SHROOM3: variants seen among roughly 807,000 people sequenced by gnomAD.
SHROOM3 encodes the protein protein Shroom3.
A neutral mutation model predicts 138.6 loss-of-function variants in SHROOM3; 47 were observed. The ratio of observed to expected loss-of-function variants is 0.34; its 90% CI spans 0.27 to 0.43. SHROOM3 has a LOEUF of 0.43. SHROOM3 is among the 20% of genes least tolerant of loss of function. The pLI, the probability that SHROOM3 is intolerant of heterozygous loss-of-function variation, is 1.00. For missense variants in SHROOM3, 2,491 were observed against 2,596.5 expected, an observed-to-expected ratio of 0.96 and a Z score of 0.88; for synonymous variants, 1,062 against 1,063.3, an observed-to-expected ratio of 1.00 and a Z score of 0.02.
rs531013327 is a variant in SHROOM3, at chr4:76,506,197, G to C, written c.169-49412G>C. On this transcript the variant is annotated intron_variant, in intron 1 of 10. Coordinates refer to ENST00000296043, the MANE Select transcript of SHROOM3 (RefSeq NM_020859.4). Reference sequence around the variant, plus strand: ...AACGAGAACACATGGACACGGGTTGGGGGGAGGGCATCACACACCAGGGCC... The same window carrying C: ...AACGAGAACACATGGACACGGGTTGCGGGGAGGGCATCACACACCAGGGCC... Among the ~76,000 whole-genome samples the C allele has an allele frequency of 3.4e-4, 52 of 151,996 alleles. No homozygotes were observed. The South Asian group carries it at 9.4e-3, about 27-fold the overall frequency.
intron 1 of SHROOM3, among the ~76,000 whole-genome samples, chr4:76,487,078 T>A (rs1731747525): frequency 6.6e-6 from 1 of 152,168 alleles, no homozygotes; most frequent in South Asian, 2.1e-4. Flanking sequence ...TCATGCCCAT[T>A]AACAGTCATT....
rs372739178 is a variant in SHROOM3, at chr4:76,511,580, G to T, written c.169-44029G>T. Reference sequence around the variant, plus strand: ...AAGTTTTCACCTGTGATGAGCAGGGGTCTTGCTGGCAGAATGGCAGCTATG... The same window carrying T: ...AAGTTTTCACCTGTGATGAGCAGGGTTCTTGCTGGCAGAATGGCAGCTATG... On this transcript the variant is annotated intron_variant, in intron 1 of 10. Coordinates refer to ENST00000296043, the MANE Select transcript of SHROOM3 (RefSeq NM_020859.4). Among the ~76,000 whole-genome samples, 61 of 152,290 alleles carry T rather than the reference G, an allele frequency of 4.0e-4. No individual in the cohort carries two copies. In the South Asian group the frequency reaches 0.012, roughly 29 times the overall value.
chr4:76,601,235 A>G (rs1577911118), intron 2 of SHROOM3, among the ~76,000 whole-genome samples: 1 of 152,248 alleles, frequency 6.6e-6, no homozygotes, highest in East Asian at 1.9e-4. Context: ...ATCTGGAGAC[A>G]TTTTTAGTAG....
chr4:76,697,046 A>G (rs1719758093), intron 2 of SHROOM3, among the ~76,000 whole-genome samples: 1 of 151,914 alleles, frequency 6.6e-6, no homozygotes, highest in Non-Finnish European at 1.5e-5. Flanking sequence ...CTTCCTGAGT[A>G]ACTAGGACCA....
At chr4:76,710,033 C>T in intron 2 of SHROOM3, 123 bp from the exon 3 acceptor site, 4 of 1,286,092 alleles carry the variant, frequency 3.1e-6, no homozygotes, top group Non-Finnish European at 4.5e-6. Flanking sequence ...CTGCACTTAG[C>T]TGTGCTGCTT....
intron 3 of SHROOM3, among the ~76,000 whole-genome samples, chr4:76,713,200 C>G (rs1470271518): frequency 1.3e-5 from 2 of 152,174 alleles, no homozygotes; most frequent in Non-Finnish European, 2.9e-5. Context: ...CTTACTGTAA[C>G]TTTATAAACT....
intron 2 of SHROOM3, among the ~76,000 whole-genome samples, chr4:76,694,314 T>C (rs527618787): frequency 2.0e-5 from 3 of 152,306 alleles, no homozygotes; most frequent in Admixed American, 1.3e-4. Flanking sequence ...ACATTTCTTT[T>C]GGAATTTTTC....
At chr4:76,548,605 G>C (rs1215221116) in intron 1 of SHROOM3, among the ~76,000 whole-genome samples, 1 of 152,146 alleles carries the variant, frequency 6.6e-6, no homozygotes, top group East Asian at 1.9e-4. Flanking sequence ...AGTTTCCCCA[G>C]TATTTGTTCA....
At chr4:76,694,014 A>G (rs532085373) in intron 2 of SHROOM3, among the ~76,000 whole-genome samples, 2 of 152,164 alleles carry the variant, frequency 1.3e-5, no homozygotes, top group East Asian at 3.8e-4. Flanking sequence ...AATTAACGTC[A>G]TGCTTTTCAG....
rs577026416 is a variant in SHROOM3, at chr4:76,668,285, G to A, written c.324-41871G>A. ...AGTTTGATTAAAAGGCATATGTCGG[G>A]CGCGGTGGCTCACACCTGTAATTCT... is the stretch of plus-strand genomic sequence containing the variant. On this transcript the variant is annotated intron_variant, in intron 2 of 10. Coordinates refer to ENST00000296043, the MANE Select transcript of SHROOM3 (RefSeq NM_020859.4). 4.6e-5 allele frequency among the ~76,000 whole-genome samples: 7 copies of A among 152,250 alleles called. No individual in the cohort carries two copies. The East Asian group carries it at 9.7e-4, about 21-fold the overall frequency.
At chr4:76,624,163 CT>C (rs1735069520) in intron 2 of SHROOM3, among the ~76,000 whole-genome samples, 1 of 152,144 alleles carries the variant, frequency 6.6e-6, no homozygotes. Context: ...TTCACATGTG[CT>C]TTTTATTTCT....
intron 2 of SHROOM3, among the ~76,000 whole-genome samples, chr4:76,579,673 C>G (rs192547002): frequency 6.6e-6 from 1 of 152,170 alleles, no homozygotes; most frequent in East Asian, 1.9e-4. Flanking sequence ...CCTTGGGGCC[C>G]CACTGTTTCC....
At chr4:76,549,031 C>T (rs1233454851) in intron 1 of SHROOM3, among the ~76,000 whole-genome samples, 1 of 152,180 alleles carries the variant, frequency 6.6e-6, no homozygotes, top group South Asian at 2.1e-4. Context: ...AAATAATAAG[C>T]TTCATTTTCC....
At chr4:76,581,152 T>C (rs994821073) in intron 2 of SHROOM3, among the ~76,000 whole-genome samples, 9 of 152,224 alleles carry the variant, frequency 5.9e-5, no homozygotes, top group Non-Finnish European at 1.0e-4. Flanking sequence ...TTCTTAGCAC[T>C]AAATGGTAAC....
intron 2 of SHROOM3, among the ~76,000 whole-genome samples, chr4:76,675,521 C>T (rs926881945): frequency 6.6e-6 from 1 of 152,110 alleles, no homozygotes; most frequent in Admixed American, 6.5e-5. Flanking sequence ...GTAGTCCCTT[C>T]CCTCAAGAAT....
At position 76,665,918 on chromosome 4, in the gene SHROOM3, G is replaced by A. The variant is rs1037953925; in HGVS notation, c.324-44238G>A. Among the ~76,000 whole-genome samples the A allele has an allele frequency of 2.6e-5, 4 of 152,090 alleles. 1 individual carries two copies. Among genetic ancestry groups the A allele is most frequent in the Non-Finnish European group, 1.5e-5 (1 of 68,030 alleles). The stretch of plus-strand genomic sequence containing the variant: ...GCCATACCTTCATTCCCTGATAAGC[G>A]CTGCCCTGGTAAGTTCCACTGCATC... On this transcript the variant is annotated intron_variant, in intron 2 of 10. Coordinates refer to ENST00000296043, the MANE Select transcript of SHROOM3 (RefSeq NM_020859.4).
intron 2 of SHROOM3, chr4:76,586,331 A>G: frequency 1.0e-6 from 1 of 985,756 alleles, no homozygotes; most frequent in Non-Finnish European, 1.2e-6. Flanking sequence ...TTCCTGGGCC[A>G]GAACCGTGCC....
chr4:76,648,233 T>A (rs1735869415), intron 2 of SHROOM3, among the ~76,000 whole-genome samples: 1 of 152,046 alleles, frequency 6.6e-6, no homozygotes, highest in Non-Finnish European at 1.5e-5. Context: ...GAGGCTGGGA[T>A]GGGAGGATTG....
At chr4:76,622,671 G>A (rs1354176836) in intron 2 of SHROOM3, among the ~76,000 whole-genome samples, 1 of 152,018 alleles carries the variant, frequency 6.6e-6, no homozygotes, top group Non-Finnish European at 1.5e-5. Context: ...TTGAAGAAAG[G>A]AGGCCACGGG....
Sources: gnomAD v4.1 joint callset for allele counts (sites outside exome capture counted in the v4.1 genomes callset) on GRCh38, gnomAD v4.1.1 for gene constraint, MANE v1.5 for transcripts, NCBI Gene and HGNC (gene_info 2026-07-23, HGNC 2026-07-21) for gene names.